Variants in SYTL3 observed in about 807,000 individuals in gnomAD.
SYTL3 encodes the protein synaptotagmin like 3.
A neutral mutation model predicts 82.1 loss-of-function variants in SYTL3; 88 were observed. That is an observed-to-expected ratio of 1.07 (90% confidence interval 0.90 to 1.28). The LOEUF (loss-of-function observed/expected upper bound fraction) is 1.28. SYTL3 is among the 50% of genes most tolerant of loss of function. SYTL3 has a pLI of 0.00. For synonymous variants in SYTL3, 311 were observed against 289.4 expected (o/e 1.07, Z -0.76); for missense variants, 831 against 757.6 (o/e 1.10, Z -1.14).
At chr6:158,652,011 C>G (rs1243578852) in intron 2 of SYTL3, among the ~76,000 whole-genome samples, 169 bp downstream of exon 2, 1 of 150,786 alleles carries the variant, frequency 6.6e-6, no homozygotes, top group Admixed American at 6.6e-5. Flanking sequence ...CACTGCAACC[C>G]CTGCCTCCCA....
chr6:158,708,422 T>A, intron 8 of SYTL3, 31 bp downstream of exon 8: 1 of 1,596,258 alleles, frequency 6.3e-7, no homozygotes. Flanking sequence ...ACTTCTCTAG[T>A]AGGGGTCAGG....
chr6:158,699,842 G>A (rs994584855), intron 6 of SYTL3, among the ~76,000 whole-genome samples: 4 of 152,068 alleles, frequency 2.6e-5, no homozygotes, highest in East Asian at 1.9e-4. Context: ...CAGCTACTCC[G>A]AGCCTGAGGT....
intron 6 of SYTL3, among the ~76,000 whole-genome samples, chr6:158,700,210 C>T (rs567620633): frequency 1.1e-4 from 16 of 152,088 alleles, no homozygotes; most frequent in South Asian, 2.1e-4. Context: ...GAGCCGAGAT[C>T]GCACCATTGT....
At chr6:158,744,889 GT>G (rs1253184560) in intron 11 of SYTL3, among the ~76,000 whole-genome samples, 1 of 152,174 alleles carries the variant, frequency 6.6e-6, no homozygotes, top group Non-Finnish European at 1.5e-5. Flanking sequence ...TGTGATGATA[GT>G]TTTATTTTTC....
In SYTL3 at chr6:158,713,884, T is replaced by C. The variant is rs553949142; in HGVS notation, c.595+6T>C. The stretch of plus-strand genomic sequence containing the variant: ...TCTTGCTACCCACGTGAAAAGTAAG[T>C]GCATGCTTCATGATGTGTTTTCCCA... On this transcript the variant is annotated splice_donor_region_variant and intron_variant, in intron 9 of 17. Transcript: ENST00000611299. 1 of 1,546,666 alleles carries C rather than the reference T, an allele frequency of 6.5e-7. No homozygotes were observed. Among genetic ancestry groups the C allele is most frequent in the Non-Finnish European group, 8.7e-7 (1 of 1,143,038 alleles).
chr6:158,698,352 A>G (rs1780785401), intron 6 of SYTL3, among the ~76,000 whole-genome samples: 1 of 146,714 alleles, frequency 6.8e-6, no homozygotes, highest in South Asian at 2.3e-4. Flanking sequence ...AGCCGAGATC[A>G]CACCACTGCA....
At chr6:158,712,442 G>A (rs974269125) in intron 8 of SYTL3, among the ~76,000 whole-genome samples, 2 of 152,142 alleles carry the variant, frequency 1.3e-5, no homozygotes, top group Non-Finnish European at 2.9e-5. Flanking sequence ...TTAAGTCCAC[G>A]AGTCCACCCC....
chr6:158,718,272 C>T (rs1404414219), intron 10 of SYTL3, 61 bp downstream of exon 10: 9 of 1,343,852 alleles, frequency 6.7e-6, no homozygotes, highest in Non-Finnish European at 8.7e-6. Context: ...CCAGAACTTT[C>T]TAGCCTGCCT....
At chr6:158,670,283 T>C (rs906760122) in intron 5 of SYTL3, among the ~76,000 whole-genome samples, 2 of 152,220 alleles carry the variant, frequency 1.3e-5, no homozygotes, top group Non-Finnish European at 2.9e-5. Context: ...ACTCTCACTC[T>C]TGAAAATATA....
intron 6 of SYTL3, among the ~76,000 whole-genome samples, chr6:158,683,351 C>T (rs913794453): frequency 5.9e-5 from 9 of 151,644 alleles, no homozygotes; most frequent in African/African-American, 1.9e-4. Context: ...CTCCGGAGTA[C>T]CTGGGATTAC....
intron 5 of SYTL3, among the ~76,000 whole-genome samples, chr6:158,676,218 T>G (rs1457415050): frequency 6.6e-6 from 1 of 152,094 alleles, no homozygotes; most frequent in Admixed American, 6.6e-5. Flanking sequence ...TATAGACCAA[T>G]GGAACAGAAC....
At chr6:158,658,770 C>CA (rs35484799) in intron 2 of SYTL3, among the ~76,000 whole-genome samples, 2 of 151,452 alleles carry the variant, frequency 1.3e-5, no homozygotes, top group Non-Finnish European at 2.9e-5. Context: ...ACTAAAAATA[C>CA]AAAAAAAAAT....
At chr6:158,743,062 G>A (rs1034762988) in intron 11 of SYTL3, among the ~76,000 whole-genome samples, 5 of 152,140 alleles carry the variant, frequency 3.3e-5, no homozygotes, top group Non-Finnish European at 5.9e-5. Flanking sequence ...CCCCAGTCCC[G>A]TTAGACTGCT....
intron 13 of SYTL3, among the ~76,000 whole-genome samples, chr6:158,755,330 G>C (rs562454161): frequency 1.3e-5 from 2 of 152,294 alleles, no homozygotes; most frequent in Admixed American, 1.3e-4. Context: ...GTGACAGAGT[G>C]AGATCCTGTC....
At chr6:158,693,810 TGGGA>T in intron 6 of SYTL3, among the ~76,000 whole-genome samples, 1 of 150,416 alleles carries the variant, frequency 6.6e-6, no homozygotes, top group African/African-American at 2.5e-5. Context: ...CCAAAAGTGC[TGGGA>T]TTACAGGTGT....
chr6:158,733,458 C>T (rs1315521442), intron 11 of SYTL3, among the ~76,000 whole-genome samples: 1 of 152,116 alleles, frequency 6.6e-6, no homozygotes, highest in African/African-American at 2.4e-5. Flanking sequence ...TCCCTAGTAA[C>T]TGGAACCACA....
intron 6 of SYTL3, among the ~76,000 whole-genome samples, chr6:158,705,821 CAGG>C (rs1583308344): frequency 6.6e-6 from 1 of 152,082 alleles, no homozygotes; most frequent in African/African-American, 2.4e-5. Flanking sequence ...GATCCAGAGA[CAGG>C]AGCACCCTGT....
chr6:158,753,042 A>G (rs938197964), intron 13 of SYTL3, among the ~76,000 whole-genome samples: 1 of 146,618 alleles, frequency 6.8e-6, no homozygotes, highest in African/African-American at 2.5e-5. Context: ...GTAAAATCCC[A>G]TGGGGATTTA....
At position 158,721,779 on chromosome 6, in the gene SYTL3, T is replaced by C. The variant is rs144105416; in HGVS notation, c.720+3568T>C. ...TCTTGAGTGGATAGGATTACAGGCA[T>C]GCACCACCACACCTGGCTAATTTTT... On this transcript the variant is annotated intron_variant, in intron 10 of 17. Transcript: ENST00000611299. Among the ~76,000 whole-genome samples the C allele has an allele frequency of 1.2e-3, 184 of 152,204 alleles. 1 individual carries two copies. Among genetic ancestry groups the C allele is most frequent in the African/African-American group, 4.1e-3 (172 of 41,512 alleles).
Sources: allele counts gnomAD v4.1 joint callset (sites outside exome capture counted in the v4.1 genomes callset), GRCh38; gene constraint gnomAD v4.1.1; transcripts MANE v1.5; gene names NCBI Gene and HGNC (gene_info 2026-07-23, HGNC 2026-07-21).